The following UBE2K variants were observed in gnomAD, a reference collection of about 807,000 sequenced individuals.
UBE2K encodes the protein ubiquitin-conjugating enzyme E2 K.
UBE2K carries 6 observed loss-of-function variants against 30.0 expected under a neutral mutation model. The ratio of observed to expected loss-of-function variants is 0.20; its 90% CI spans 0.11 to 0.39. The LOEUF is 0.39. UBE2K is among the 10% of genes least tolerant of loss of function. UBE2K has a pLI of 1.00. For missense variants in UBE2K, 61 were observed against 241.6 expected (o/e 0.25, Z 4.96); for synonymous variants, 86 against 83.7 (o/e 1.03, Z -0.15).
intron 3 of UBE2K, among the ~76,000 whole-genome samples, chr4:39,750,155 C>T (rs184222817): frequency 6.6e-6 from 1 of 152,246 alleles, no homozygotes; most frequent in East Asian, 1.9e-4. Flanking sequence ...GATCGCACCA[C>T]TGCACTCCAG....
At chr4:39,751,234 T>C (rs924892646) in intron 3 of UBE2K, among the ~76,000 whole-genome samples, 2 of 152,260 alleles carry the variant, frequency 1.3e-5, no homozygotes, top group Admixed American at 1.3e-4. Context: ...TGAGCCACCA[T>C]TCCCAGCCCA....
chr4:39,712,534 A>G (rs73240661), intron 1 of UBE2K, among the ~76,000 whole-genome samples: 15,830 of 151,784 alleles, frequency 0.1, 1,093 homozygotes, highest in East Asian at 0.22. Context: ...TGTTCAAGCA[A>G]TTCTCCTGCC....
At chr4:39,715,588 G>T (rs1719016248) in intron 1 of UBE2K, among the ~76,000 whole-genome samples, 1 of 152,164 alleles carries the variant, frequency 6.6e-6, no homozygotes, top group Admixed American at 6.6e-5. Context: ...GGGATTACAG[G>T]TGTCACCCAC....
intron 2 of UBE2K, among the ~76,000 whole-genome samples, chr4:39,744,772 T>G (rs1194529975): frequency 6.6e-6 from 1 of 151,376 alleles, no homozygotes; most frequent in Non-Finnish European, 1.5e-5. Flanking sequence ...CCAGGCGTGG[T>G]GATGGGCGCC....
At chr4:39,740,909 A>C (rs1720667085) in intron 2 of UBE2K, among the ~76,000 whole-genome samples, 1 of 151,652 alleles carries the variant, frequency 6.6e-6, no homozygotes, top group Non-Finnish European at 1.5e-5. Flanking sequence ...GTTAGAAACA[A>C]GTTTGGTCAT....
At chr4:39,769,216 T>G (rs1309982958) in intron 4 of UBE2K, among the ~76,000 whole-genome samples, 8 of 142,622 alleles carry the variant, frequency 5.6e-5, no homozygotes, top group East Asian at 2.0e-4. Context: ...TCTTTTTGTT[T>G]TTTTTTTTTT....
rs1196203442 is a variant in UBE2K, at chr4:39,779,083, A to C, written c.*649A>C. On this transcript the variant is annotated 3_prime_UTR_variant, in exon 7 of 7. Coordinates refer to ENST00000261427, the MANE Select transcript of UBE2K (RefSeq NM_005339.5). ...CCTTGCCACACACAGCTAATATTCT[A>C]ATGGTAAATTTCTCTGTATCAGGTG... 8.9e-6 allele frequency: 1 copy of C among 112,586 alleles called. No homozygotes were observed. The highest frequency in any genetic ancestry group is 3.5e-5 in the African/African-American group (1 of 28,830). The allele number at this position is 112,586 out of a possible 1,614,324, so 7.0% of individuals were successfully genotyped here. A position where few individuals can be genotyped will look rare whatever the true frequency, so the allele number is the denominator to read the frequency against.
At chr4:39,766,875 C>T (rs1712376332) in intron 4 of UBE2K, among the ~76,000 whole-genome samples, 1 of 152,100 alleles carries the variant, frequency 6.6e-6, no homozygotes, top group African/African-American at 2.4e-5. Flanking sequence ...CCTCAGCTTC[C>T]CACGTAGCTG....
intron 1 of UBE2K, among the ~76,000 whole-genome samples, chr4:39,713,180 A>T (rs2109314692): frequency 6.7e-6 from 1 of 149,866 alleles, no homozygotes; most frequent in East Asian, 2.0e-4. Context: ...ACATTCTTTA[A>T]CTGCTTTTTT....
intron 1 of UBE2K, among the ~76,000 whole-genome samples, chr4:39,722,724 T>G (rs1327967866): frequency 6.6e-6 from 1 of 151,850 alleles, no homozygotes; most frequent in African/African-American, 2.4e-5. Flanking sequence ...GCAGCCCGTG[T>G]GGGATTTTTT....
chr4:39,730,829 T>TTTTTA (rs1720032605), intron 1 of UBE2K, among the ~76,000 whole-genome samples: 1 of 111,782 alleles, frequency 8.9e-6, no homozygotes, highest in African/African-American at 3.0e-5. Context: ...TTTTTTTTTT[T>TTTTTA]GAGACAGAGT....
chr4:39,751,923 C>A (rs917164387), intron 3 of UBE2K, among the ~76,000 whole-genome samples: 1 of 152,110 alleles, frequency 6.6e-6, no homozygotes, highest in Non-Finnish European at 1.5e-5. Flanking sequence ...ACCGAGATCG[C>A]ACCACCGCAC....
At chr4:39,749,133 G>A (rs573349808) in intron 3 of UBE2K, among the ~76,000 whole-genome samples, 2 of 152,134 alleles carry the variant, frequency 1.3e-5, no homozygotes, top group Non-Finnish European at 2.9e-5. Flanking sequence ...ATTCACATTT[G>A]TCTTACCATG....
chr4:39,778,519 T>A lies in UBE2K; in HGVS notation c.*85T>A, dbSNP rs1256785781. On this transcript the variant is annotated 3_prime_UTR_variant, in exon 7 of 7. Coordinates refer to ENST00000261427, the MANE Select transcript of UBE2K (RefSeq NM_005339.5). ...TTATTTTTAGGATTCTGCATAGATT[T>A]CTTTTAAACTGGCATTCTTGCCTAA... 2 of 873,844 alleles carry A rather than the reference T, an allele frequency of 2.3e-6. No homozygotes were observed. Among genetic ancestry groups the A allele is most frequent in the Non-Finnish European group, 3.6e-6 (2 of 557,534 alleles). 54.1% of individuals were successfully genotyped at this position (873,844 alleles called of 1,614,324 possible).
intron 1 of UBE2K, among the ~76,000 whole-genome samples, chr4:39,698,626 G>A (rs573427128): frequency 2.7e-3 from 412 of 152,236 alleles, no homozygotes; most frequent in African/African-American, 9.7e-3. Flanking sequence ...GTTTGGGGAG[G>A]TGATGGACAG....
chr4:39,782,051 G>T lies in UBE2K; in HGVS notation c.*3617G>T. ...CAAAGATCTTGTGGCATAGGGGTAG[G>T]GGAGTGTTAGTATCTCCCTTGTCCC... is the stretch of plus-strand genomic sequence containing the variant. On this transcript the variant is annotated 3_prime_UTR_variant, in exon 7 of 7. Transcript: ENST00000261427. The T allele has an allele frequency of 2.5e-6, 1 of 397,940 alleles. No individual in the cohort carries two copies. Among genetic ancestry groups the T allele is most frequent in the South Asian group, 1.3e-4 (1 of 7,794 alleles). 24.7% of individuals were successfully genotyped at this position (397,940 alleles called of 1,614,324 possible).
chr4:39,698,673 A>T (rs1459603767), intron 1 of UBE2K, among the ~76,000 whole-genome samples: 2 of 151,992 alleles, frequency 1.3e-5, no homozygotes, highest in African/African-American at 2.4e-5. Flanking sequence ...CTCACAAGAG[A>T]ACCCGAGGCG....
chr4:39,770,672 G>A, intron 4 of UBE2K: 9 of 1,580,126 alleles, frequency 5.7e-6, no homozygotes, highest in Non-Finnish European at 7.7e-6. Context: ...CCTGCGGTGG[G>A]GCCACAGTGC....
At chr4:39,758,855 T>C (rs438344) in intron 4 of UBE2K, among the ~76,000 whole-genome samples, 31,018 of 152,036 alleles carry the variant, frequency 0.2, 5,939 homozygotes, top group African/African-American at 0.51. Context: ...TACCAAAACA[T>C]TTTCTCCTAA....
Sources: allele counts gnomAD v4.1 joint callset (sites outside exome capture counted in the v4.1 genomes callset), GRCh38; gene constraint gnomAD v4.1.1; transcripts MANE v1.5; gene names NCBI Gene and HGNC (gene_info 2026-07-23, HGNC 2026-07-21).